The following SORCS1 variants were observed in gnomAD, a reference collection of about 807,000 sequenced individuals.
SORCS1 encodes sortilin related VPS10 domain containing receptor 1.
In SORCS1, 60 loss-of-function variants were observed where a neutral mutation model predicts 146.1. The ratio of observed to expected loss-of-function variants is 0.41; its 90% CI spans 0.33 to 0.51. SORCS1 has a LOEUF of 0.51. Ranked by LOEUF, SORCS1 falls within the 20% of genes least tolerant of loss-of-function variation. The pLI is 0.21. For missense variants in SORCS1, 1,352 were observed against 1,487.6 expected (o/e 0.91, Z 1.50); for synonymous variants, 637 against 584.0 (o/e 1.09, Z -1.31).
At chr10:106,843,470 C>T (rs1484359240) in intron 2 of SORCS1, among the ~76,000 whole-genome samples, 3 of 116,866 alleles carry the variant, frequency 2.6e-5, no homozygotes, top group African/African-American at 1.0e-4. Context: ...CGCTCTGTTG[C>T]TCAGGCTGGA....
chr10:106,902,605 G>GA (rs1951754985), intron 2 of SORCS1, among the ~76,000 whole-genome samples: 1 of 152,154 alleles, frequency 6.6e-6, no homozygotes. Context: ...AAAATCACAT[G>GA]AAGAGATTCA....
chr10:106,994,502 AACAG>A (rs1191495604), intron 1 of SORCS1, among the ~76,000 whole-genome samples: 4 of 152,268 alleles, frequency 2.6e-5, no homozygotes, highest in African/African-American at 7.2e-5. Flanking sequence ...TATTTAAGCC[AACAG>A]ACAGTTTGGA....
chr10:106,599,036 G>A (rs1846074998), intron 23 of SORCS1, among the ~76,000 whole-genome samples: 1 of 152,180 alleles, frequency 6.6e-6, no homozygotes, highest in Non-Finnish European at 1.5e-5. Context: ...TGTGTATTAG[G>A]CTACTTCTTT....
At chr10:107,079,145 G>A (rs565374292) in intron 1 of SORCS1, among the ~76,000 whole-genome samples, 79 of 151,818 alleles carry the variant, frequency 5.2e-4, no homozygotes, top group African/African-American at 1.8e-3. Context: ...AAAATGACAT[G>A]AACCCGGGAG....
At chr10:106,791,878 C>G (rs1410151623) in intron 3 of SORCS1, among the ~76,000 whole-genome samples, 1 of 152,132 alleles carries the variant, frequency 6.6e-6, no homozygotes, top group Admixed American at 6.6e-5. Flanking sequence ...TCAATATATA[C>G]CACTTTCATT....
Position 106,699,327 on chromosome 10 carries a change from C to T in SORCS1, c.1300G>A (p.Asp434Asn). The T allele has an allele frequency of 6.2e-7, 1 of 1,614,030 alleles. No individual in the cohort carries two copies. Among genetic ancestry groups the T allele is most frequent in the Non-Finnish European group, 8.5e-7 (1 of 1,179,892 alleles). The change falls in exon 9 of 26, where the codon GAC becomes AAC. Residue 434 changes from aspartate to asparagine, a missense_variant. Asp to Asn is a conservative substitution (Grantham distance 23). Around this residue, in one of 3 missense-constraint regions of SORCS1, gnomAD observed 648 missense variants for 793.8 expected, o/e 0.82. Transcript: ENST00000263054. ...TCTGAGATGTAGAGGTTGTACGTGT[C>T]ATTCTGGTTCCATTCTTGGACCGCT... is the stretch of plus-strand genomic sequence containing the variant. ...FAAVQEWNQNDTYNLYISDTR... is the reference protein window; with the variant it reads ...FAAVQEWNQNNTYNLYISDTR...
At chr10:106,754,151 G>A (rs963467297) in intron 5 of SORCS1, among the ~76,000 whole-genome samples, 2 of 152,126 alleles carry the variant, frequency 1.3e-5, no homozygotes, top group African/African-American at 4.8e-5. Context: ...ATTCTAGCCC[G>A]AGGTCTATCT....
intron 9 of SORCS1, 107 bp from the exon 10 acceptor site, chr10:106,688,445 TG>T: frequency 7.8e-7 from 1 of 1,279,254 alleles, no homozygotes; most frequent in Non-Finnish European, 1.1e-6. Context: ...GCACTTGCCT[TG>T]GAGGAAAGAA....
intron 5 of SORCS1, among the ~76,000 whole-genome samples, chr10:106,761,094 G>A (rs1324215978): frequency 6.6e-6 from 1 of 152,028 alleles, no homozygotes; most frequent in East Asian, 1.9e-4. Flanking sequence ...GTGACAGAGT[G>A]AGACTGTCTA....
intron 1 of SORCS1, among the ~76,000 whole-genome samples, chr10:107,065,741 C>T (rs1177258554): frequency 1.3e-5 from 2 of 152,052 alleles, no homozygotes; most frequent in East Asian, 3.9e-4. Context: ...TGGTCTCGAA[C>T]TCCTGAGCTC....
At chr10:106,774,328 T>A (rs1430535113) in intron 4 of SORCS1, among the ~76,000 whole-genome samples, 2 of 152,152 alleles carry the variant, frequency 1.3e-5, no homozygotes, top group African/African-American at 4.8e-5. Flanking sequence ...ATTCTCTGGA[T>A]GCAAATTTCT....
chr10:106,745,746 G>A (rs1326949254), intron 5 of SORCS1, among the ~76,000 whole-genome samples: 2 of 152,150 alleles, frequency 1.3e-5, no homozygotes, highest in East Asian at 3.8e-4. Flanking sequence ...ACTTTTCAAT[G>A]GAGAAATCTG....
At chr10:106,578,875 T>A in intron 25 of SORCS1, 11 of 1,396,036 alleles carry the variant, frequency 7.9e-6, no homozygotes, top group Non-Finnish European at 9.3e-6. Context: ...AAAGGAGGAA[T>A]AAACTAATGA....
intron 2 of SORCS1, among the ~76,000 whole-genome samples, chr10:106,865,893 C>T (rs1469804420): frequency 6.6e-6 from 1 of 151,512 alleles, no homozygotes; most frequent in African/African-American, 2.4e-5. Context: ...ATTGGCCAGG[C>T]GTGGTGGCAT....
chr10:106,807,177 A>AGAAG (rs970344900), intron 3 of SORCS1, among the ~76,000 whole-genome samples: 8 of 151,798 alleles, frequency 5.3e-5, no homozygotes, highest in South Asian at 4.2e-4. Context: ...TCTGCTTTGA[A>AGAAG]GAAGGAAGGA....
At position 106,677,345 on chromosome 10, in the gene SORCS1, C is replaced by G. The variant is rs1008342837; in HGVS notation, c.1800G>C (p.Met600Ile). ...GTCGAATTGGGAGAGATGTGTGTTT[C>G]ATAGCAACCAGGACTCCACCTTGAT... ...YLDQGGVLVA[M>I]KHTSLPIRHL... is the part of the protein sequence containing the mutation. The change falls in exon 13 of 26, where the codon ATG (methionine) becomes ATC (isoleucine). Residue 600 changes from methionine (M) to isoleucine (I), a missense_variant. Physicochemically the swap from Met to Ile is conservative, Grantham distance 10. This residue lies in a region of SORCS1 where 648 missense variants were observed against 793.8 expected (regional missense o/e 0.82). Coordinates refer to ENST00000263054, the MANE Select transcript of SORCS1 (RefSeq NM_052918.5). 1 of 1,613,938 alleles carries G rather than the reference C, an allele frequency of 6.2e-7. No homozygotes were observed. Among genetic ancestry groups the G allele is most frequent in the Admixed American group, 1.7e-5 (1 of 60,006 alleles).
At chr10:107,165,028 C>G (rs1370970832), upstream of SORCS1, among the ~76,000 whole-genome samples, 1 of 151,762 alleles carries the variant, frequency 6.6e-6, no homozygotes, top group Admixed American at 6.6e-5. The surrounding 1 kb of genome is among the most constrained non-coding windows in gnomAD (Gnocchi z 4.0). Context: ...CCCCGGGCTC[C>G]CGGAGCAGTC....
intron 12 of SORCS1, 67 bp downstream of exon 12, chr10:106,679,189 T>G (rs1852252868): frequency 1.5e-6 from 2 of 1,293,600 alleles, no homozygotes; most frequent in Non-Finnish European, 2.2e-6. Flanking sequence ...GTTCCCAGAT[T>G]TGAACCAAGC....
At chr10:106,714,081 A>G (rs1855185968) in intron 6 of SORCS1, among the ~76,000 whole-genome samples, 1 of 131,530 alleles carries the variant, frequency 7.6e-6, no homozygotes, top group Admixed American at 9.7e-5. Context: ...GATTGCAGTA[A>G]GCTGGGATCA....
Sources: allele counts gnomAD v4.1 joint callset (sites outside exome capture counted in the v4.1 genomes callset), GRCh38; gene constraint gnomAD v4.1.1; regional missense constraint gnomAD v4.1.1; non-coding constraint Gnocchi (gnomAD v3.1); transcripts MANE v1.5; gene names NCBI Gene and HGNC (gene_info 2026-07-23, HGNC 2026-07-21).